Variants in MAP3K7 observed in about 807,000 individuals in gnomAD.
The protein encoded by MAP3K7 is mitogen-activated protein kinase kinase kinase 7.
MAP3K7 carries 21 observed loss-of-function variants against 84.8 expected under a neutral mutation model. The ratio of observed to expected loss-of-function variants is 0.25; its 90% CI spans 0.18 to 0.36. The LOEUF is 0.36. Among genes scored for constraint, MAP3K7 ranks in the 10% least tolerant of loss-of-function variants. MAP3K7 has a pLI of 1.00. For missense variants in MAP3K7, 503 were observed against 747.7 expected (o/e 0.67, Z 3.82); for synonymous variants, 241 against 247.7 (o/e 0.97, Z 0.25).
rs750287415 is a variant in MAP3K7 at position 90,586,788 on chromosome 6, G to T, written c.96C>A (p.Asp32Glu). 1 of 1,607,354 alleles carries T rather than the reference G, an allele frequency of 6.2e-7. No homozygotes were observed. Residue 32 changes from aspartate (D) to glutamate (E), a missense_variant, in exon 1 of 17, where the codon GAC becomes GAA. Physicochemically the swap from Asp to Glu is conservative, Grantham distance 45. Coordinates refer to ENST00000369329, the MANE Select transcript of MAP3K7 (RefSeq NM_145331.3). ...PSQVLNFEEI[D>E]YKEIEVEEVV... ...CCTCTTCCACCTCGATCTCCTTGTA[G>T]TCGATCTCTTCAAAGTTGAGGACCT...
At chr6:90,545,149 G>A (rs975491015) in intron 11 of MAP3K7, among the ~76,000 whole-genome samples, 1 of 82,734 alleles carries the variant, frequency 1.2e-5, no homozygotes, top group Non-Finnish European at 3.1e-5. Context: ...ATATGCTTTT[G>A]TAGTCATACT....
At chr6:90,540,587 A>G (rs1055226145) in intron 12 of MAP3K7, among the ~76,000 whole-genome samples, 1 of 151,980 alleles carries the variant, frequency 6.6e-6, no homozygotes, top group African/African-American at 2.4e-5. Flanking sequence ...TGTTTAATTA[A>G]ATCTTTTATA....
chr6:90,515,875 C>T lies in MAP3K7; in HGVS notation c.*626G>A, dbSNP rs922858147. The T allele has an allele frequency of 2.0e-5, 3 of 152,296 alleles. No homozygotes were observed. Among genetic ancestry groups the T allele is most frequent in the African/African-American group, 7.2e-5 (3 of 41,380 alleles). 9.4% of individuals were successfully genotyped at this position (152,296 alleles called of 1,614,324 possible). A position where few individuals can be genotyped will look rare whatever the true frequency, so the allele number is the denominator to read the frequency against. ...TTTAGTCTAACAAAATCCGGTAAAA[C>T]TGCTTTCATTAAATAGAGCAGCTGC... On this transcript the variant is annotated 3_prime_UTR_variant, in exon 17 of 17. Transcript: ENST00000369329.
chr6:90,557,954 G>A (rs1300864411), intron 5 of MAP3K7, among the ~76,000 whole-genome samples: 2 of 152,132 alleles, frequency 1.3e-5, no homozygotes, highest in African/African-American at 4.8e-5. Context: ...AGATCATCAG[G>A]TACCTTCTTT....
intron 1 of MAP3K7, among the ~76,000 whole-genome samples, chr6:90,573,785 A>G (rs757406291): frequency 4.6e-5 from 7 of 152,260 alleles, no homozygotes; most frequent in Non-Finnish European, 7.3e-5. Flanking sequence ...AGTGGCTTAA[A>G]GGAAATGGGG....
rs532255503 is a variant in MAP3K7, at chr6:90,529,461, T to A, written c.1357-5678A>T. 1.3e-5 allele frequency among the ~76,000 whole-genome samples: 2 copies of A among 152,236 alleles called. 1 individual carries two copies. The highest frequency in any genetic ancestry group is 3.9e-4 in the East Asian group (2 of 5,180). The stretch of plus-strand genomic sequence containing the variant: ...TAAGTAACTTAGCCTCTCTGAGACT[T>A]AGGTTTCTCATTGATGAAGTGTGAA... On this transcript the variant is annotated intron_variant, in intron 13 of 16. Transcript: ENST00000369329.
intron 2 of MAP3K7, among the ~76,000 whole-genome samples, chr6:90,570,104 G>T (rs952911407): frequency 5.9e-5 from 9 of 152,116 alleles, no homozygotes; most frequent in Non-Finnish European, 1.3e-4. Context: ...TCAGATAGCA[G>T]ATTATACAAG....
chr6:90,542,195 T>C (rs2127968482), intron 12 of MAP3K7: 4 of 969,730 alleles, frequency 4.1e-6, no homozygotes, highest in Non-Finnish European at 4.9e-6. Flanking sequence ...TGTAGGAAAT[T>C]TGAGATATTC....
intron 1 of MAP3K7, among the ~76,000 whole-genome samples, chr6:90,583,191 C>T (rs1208298895): frequency 6.6e-6 from 1 of 152,120 alleles, no homozygotes; most frequent in Non-Finnish European, 1.5e-5. Flanking sequence ...CCCTATTTAT[C>T]TTTTATAGTA....
Position 90,585,777 on chromosome 6 carries a change from C to T in MAP3K7, c.120+987G>A, listed in dbSNP as rs112123824. On this transcript the variant is annotated intron_variant, in intron 1 of 16. Transcript: ENST00000369329. ...GCGATTTCTAGTCTAATATTATATT[C>T]TGATTGTCACCGAAATCATTCGTTA... Among the ~76,000 whole-genome samples the T allele has an allele frequency of 1.1e-3, 161 of 149,742 alleles. 1 individual carries two copies. Among genetic ancestry groups the T allele is most frequent in the African/African-American group, 3.7e-3 (144 of 39,160 alleles).
At chr6:90,542,758 C>T (rs1775892839) in intron 12 of MAP3K7, among the ~76,000 whole-genome samples, 1 of 151,976 alleles carries the variant, frequency 6.6e-6, no homozygotes, top group Non-Finnish European at 1.5e-5. Context: ...GTACTTTAAG[C>T]TACTTTGTAG....
At chr6:90,546,858 G>C (rs1776017181) in intron 11 of MAP3K7, among the ~76,000 whole-genome samples, 2 of 152,200 alleles carry the variant, frequency 1.3e-5, no homozygotes, top group Non-Finnish European at 2.9e-5. Context: ...ACATTTTTCT[G>C]TTAAATTTGA....
At chr6:90,529,532 C>T (rs1224557973) in intron 13 of MAP3K7, among the ~76,000 whole-genome samples, 1 of 152,160 alleles carries the variant, frequency 6.6e-6, no homozygotes, top group Non-Finnish European at 1.5e-5. Context: ...GGAGACAAGA[C>T]AGCCCAGAGT....
chr6:90,555,868 A>G (rs781603860), intron 6 of MAP3K7, among the ~76,000 whole-genome samples: 1 of 152,200 alleles, frequency 6.6e-6, no homozygotes, highest in Non-Finnish European at 1.5e-5. Context: ...CTCATAGTCA[A>G]CATTTCTGTA....
chr6:90,564,107 C>CA (rs1776617923), intron 3 of MAP3K7, among the ~76,000 whole-genome samples: 1 of 152,156 alleles, frequency 6.6e-6, no homozygotes, highest in Non-Finnish European at 1.5e-5. Flanking sequence ...CCAGCCATTG[C>CA]AAAAACATGC....
chr6:90,541,095 A>C (rs1775842366), intron 12 of MAP3K7, among the ~76,000 whole-genome samples: 1 of 151,970 alleles, frequency 6.6e-6, no homozygotes. Flanking sequence ...TGCCCTTATT[A>C]AAGTCCTAGA....
chr6:90,524,910 T>A (rs910378033), intron 13 of MAP3K7, among the ~76,000 whole-genome samples: 2 of 152,140 alleles, frequency 1.3e-5, no homozygotes, highest in Non-Finnish European at 2.9e-5. Flanking sequence ...AGGTTGGGCA[T>A]GAATGTTAAA....
chr6:90,529,643 G>T (rs528877678), intron 13 of MAP3K7, among the ~76,000 whole-genome samples: 147 of 152,170 alleles, frequency 9.7e-4, no homozygotes, highest in Admixed American at 3.1e-3. Flanking sequence ...TATCTATAAG[G>T]TTATAAAAAT....
At chr6:90,537,588 T>G (rs1230805144) in intron 12 of MAP3K7, among the ~76,000 whole-genome samples, 1 of 152,026 alleles carries the variant, frequency 6.6e-6, no homozygotes, top group Non-Finnish European at 1.5e-5. Flanking sequence ...ACATCATCAG[T>G]TTTTTTCCAT....
Sources: allele counts gnomAD v4.1 joint callset (sites outside exome capture counted in the v4.1 genomes callset), GRCh38; gene constraint gnomAD v4.1.1; transcripts MANE v1.5; gene names NCBI Gene and HGNC (gene_info 2026-07-23, HGNC 2026-07-21).